HMBOX1: variants seen among roughly 807,000 people sequenced by gnomAD.
The protein encoded by HMBOX1 is homeobox containing 1, also known as homeobox-containing protein 1.
HMBOX1 carries 14 observed loss-of-function variants against 54.5 expected under a neutral mutation model. The ratio of observed to expected loss-of-function variants is 0.26; its 90% CI spans 0.17 to 0.40. HMBOX1 has a LOEUF of 0.40. HMBOX1 is among the 10% of genes least tolerant of loss of function. The pLI is 1.00. For missense variants in HMBOX1, 332 were observed against 514.4 expected (o/e 0.65, Z 3.43); for synonymous variants, 160 against 181.0 (o/e 0.88, Z 0.93).
chr8:28,997,516 GGAGTT>G, intron 4 of HMBOX1, among the ~76,000 whole-genome samples: 1 of 152,104 alleles, frequency 6.6e-6, no homozygotes, highest in East Asian at 1.9e-4. Context: ...ATTTTGTTGA[GGAGTT>G]TTACATCTGC....
At chr8:28,918,159 A>G (rs1250558784) in intron 1 of HMBOX1, among the ~76,000 whole-genome samples, 1 of 152,132 alleles carries the variant, frequency 6.6e-6, no homozygotes, top group Non-Finnish European at 1.5e-5. Context: ...TTAAACTATG[A>G]ACTCAGTTTC....
At chr8:28,904,033 GT>G (rs1216972714) in intron 1 of HMBOX1, among the ~76,000 whole-genome samples, 8 of 152,152 alleles carry the variant, frequency 5.3e-5, no homozygotes, top group South Asian at 2.1e-4. Flanking sequence ...CATCCAAAAT[GT>G]CAACAGTACT....
At chr8:28,976,226 T>A (rs1333457728) in intron 3 of HMBOX1, among the ~76,000 whole-genome samples, 9 of 152,186 alleles carry the variant, frequency 5.9e-5, no homozygotes, top group Non-Finnish European at 1.3e-4. Context: ...TGGGAACCTT[T>A]CTGAAGTTTC....
chr8:29,041,324 C>G (rs1218926804), intron 6 of HMBOX1, among the ~76,000 whole-genome samples: 1 of 152,166 alleles, frequency 6.6e-6, no homozygotes, highest in Non-Finnish European at 1.5e-5. Context: ...CCTTCAAGAT[C>G]CGTTTTGCAA....
chr8:28,912,166 T>G (rs1329999046), intron 1 of HMBOX1, among the ~76,000 whole-genome samples: 1 of 152,196 alleles, frequency 6.6e-6, no homozygotes, highest in African/African-American at 2.4e-5. Flanking sequence ...AGGTTAGATG[T>G]ATTAAATGTG....
chr8:28,914,447 CTT>C (rs1245602126), intron 1 of HMBOX1, among the ~76,000 whole-genome samples: 3 of 152,192 alleles, frequency 2.0e-5, no homozygotes, highest in Non-Finnish European at 4.4e-5. Context: ...TAATTAAACA[CTT>C]AAAAAAATCG....
At chr8:29,005,693 A>G (rs1833350463) in intron 4 of HMBOX1, among the ~76,000 whole-genome samples, 1 of 152,230 alleles carries the variant, frequency 6.6e-6, no homozygotes, top group Non-Finnish European at 1.5e-5. Context: ...GCTGGTCACC[A>G]CATAAACTTT....
chr8:28,941,428 G>A (rs1821400442), intron 1 of HMBOX1, among the ~76,000 whole-genome samples: 1 of 151,962 alleles, frequency 6.6e-6, no homozygotes. Context: ...CTTATTTTCT[G>A]TTTCCAAATC....
chr8:28,930,350 T>C (rs1249738500), intron 1 of HMBOX1, among the ~76,000 whole-genome samples: 1 of 152,162 alleles, frequency 6.6e-6, no homozygotes, highest in East Asian at 1.9e-4. Context: ...ACCTGGGTCC[T>C]TTTTAGCTTA....
chr8:29,049,060 C>T lies in HMBOX1; in HGVS notation c.1125+12C>T, dbSNP rs201114085. ...ACTACTCTGAGCAGGTGAGCCCCTG[C>T]GCAGCTGGGCGAGGTTCTTGGTGCC... On this transcript the variant is annotated intron_variant, in intron 9 of 9. Coordinates refer to ENST00000287701, the MANE Select transcript of HMBOX1 (RefSeq NM_001135726.3). 69 of 1,609,246 alleles carry T rather than the reference C, an allele frequency of 4.3e-5. No individual in the cohort carries two copies. The highest frequency in any genetic ancestry group is 1.5e-4 in the South Asian group (14 of 90,948).
chr8:28,998,693 G>A (rs756930577), intron 4 of HMBOX1, among the ~76,000 whole-genome samples: 6 of 151,896 alleles, frequency 4.0e-5, no homozygotes, highest in Non-Finnish European at 8.8e-5. Flanking sequence ...TTTTCTATAT[G>A]TGTTTCATCT....
chr8:28,997,618 C>T (rs533367183), intron 4 of HMBOX1, among the ~76,000 whole-genome samples: 2 of 152,278 alleles, frequency 1.3e-5, no homozygotes, highest in South Asian at 2.1e-4. Flanking sequence ...ACCATCAGGG[C>T]TCACTACAGC....
intron 1 of HMBOX1, among the ~76,000 whole-genome samples, chr8:28,899,546 G>T (rs1262654089): frequency 3.3e-5 from 5 of 152,208 alleles, no homozygotes; most frequent in Non-Finnish European, 7.3e-5. Flanking sequence ...AGTTGAGTCT[G>T]TAGTAGTGAG....
At chr8:28,916,783 A>C (rs192420075) in intron 1 of HMBOX1, among the ~76,000 whole-genome samples, 1 of 152,026 alleles carries the variant, frequency 6.6e-6, no homozygotes, top group Admixed American at 6.6e-5. Flanking sequence ...TGTTTTTACT[A>C]TTCTCATTCA....
At chr8:28,905,285 T>C (rs1006389286) in intron 1 of HMBOX1, among the ~76,000 whole-genome samples, 4 of 152,176 alleles carry the variant, frequency 2.6e-5, no homozygotes, top group Non-Finnish European at 5.9e-5. Context: ...ACTGAAAACT[T>C]CTACTTAAAT....
intron 5 of HMBOX1, chr8:29,009,700 T>C (rs745512474): frequency 7.8e-7 from 1 of 1,287,888 alleles, no homozygotes; most frequent in South Asian, 1.2e-5. Context: ...GCTGCCCTGA[T>C]GACTCCCAGG....
In HMBOX1 at chr8:29,053,240, T is replaced by C. The variant is rs984834363; in HGVS notation, c.*2085T>C. ...CCATGGATTTCAGGGGGAAAAAATA[T>C]ATGTACTTTTTTCAGCTTCCAAGCA... On this transcript the variant is annotated 3_prime_UTR_variant, in exon 10 of 10. Transcript: ENST00000287701. 1.3e-5 allele frequency: 2 copies of C among 152,076 alleles called. No homozygotes were observed. The highest frequency in any genetic ancestry group is 2.9e-5 in the Non-Finnish European group (2 of 68,018). 9.4% of individuals were successfully genotyped at this position (152,076 alleles called of 1,614,324 possible).
At chr8:28,987,111 C>G (rs1201131025) in intron 4 of HMBOX1, among the ~76,000 whole-genome samples, 1 of 152,118 alleles carries the variant, frequency 6.6e-6, no homozygotes, top group Non-Finnish European at 1.5e-5. Flanking sequence ...TATAAAATGG[C>G]ATCTCTCTTT....
rs190013505 is a variant in HMBOX1 at position 29,021,295 on chromosome 8, C to T, written c.851+2382C>T. Among the ~76,000 whole-genome samples the T allele has an allele frequency of 2.6e-5, 4 of 152,040 alleles. No individual in the cohort carries two copies. In the East Asian group the frequency reaches 7.7e-4, roughly 29 times the overall value. On this transcript the variant is annotated intron_variant, in intron 6 of 9. Coordinates refer to ENST00000287701, the MANE Select transcript of HMBOX1 (RefSeq NM_001135726.3). ...AATAATAGAAGAAAACATGAGTGGT[C>T]CCTTCATATCCTGGCAATGGGAAAA...
Sources: allele counts gnomAD v4.1 joint callset (sites outside exome capture counted in the v4.1 genomes callset), GRCh38; gene constraint gnomAD v4.1.1; transcripts MANE v1.5; gene names NCBI Gene and HGNC (gene_info 2026-07-23, HGNC 2026-07-21).